The following HNRNPA1L2 variants were observed in gnomAD, a reference collection of about 807,000 sequenced individuals.
HNRNPA1L2 encodes the protein heterogeneous nuclear ribonucleoprotein A1 like 2, also known as heterogeneous nuclear ribonucleoprotein A1-like 2.
Under a neutral mutation model 18.2 loss-of-function variants are expected in HNRNPA1L2, and 10 were observed. That is an observed-to-expected ratio of 0.55 (90% CI 0.34 to 0.93). The LOEUF (loss-of-function observed/expected upper bound fraction) is 0.93, where lower values mean the gene tolerates loss of function less well. Ranked by LOEUF, HNRNPA1L2 falls within the 40% of genes least tolerant of loss-of-function variation. HNRNPA1L2 has a pLI of 0.02. For missense variants in HNRNPA1L2, 308 were observed against 394.4 expected (o/e 0.78, Z 1.85); for synonymous variants, 124 against 138.6 (o/e 0.89, Z 0.74).
the HNRNPA1L2 span, chr13:52,629,403 G>A: frequency 9.2e-5 from 20 of 217,368 alleles, no homozygotes; most frequent in Non-Finnish European, 1.8e-4. Context: ...GTATAGTTTG[G>A]TTTTACCTTG....
At chr13:52,632,171 T>G in the HNRNPA1L2 span, among the ~76,000 whole-genome samples, 1 of 152,230 alleles carries the variant, frequency 6.6e-6, no homozygotes, top group Non-Finnish European at 1.5e-5. Context: ...TTAATGCTAA[T>G]TGAGCTAATC....
At chr13:52,624,208 G>C in the HNRNPA1L2 span, among the ~76,000 whole-genome samples, 11 of 152,188 alleles carry the variant, frequency 7.2e-5, no homozygotes, top group Admixed American at 2.0e-4. Context: ...TCCACCTCCT[G>C]GGTTCAAGCA....
chr13:52,618,841 A>G, the HNRNPA1L2 span, among the ~76,000 whole-genome samples: 3 of 152,298 alleles, frequency 2.0e-5, no homozygotes, highest in South Asian at 2.1e-4. Flanking sequence ...GGTTAGGTTT[A>G]GAATTTTATG....
chr13:52,642,283 C>A, upstream of HNRNPA1L2: 1 of 654,898 alleles, frequency 1.5e-6, no homozygotes, highest in Non-Finnish European at 2.6e-6. Flanking sequence ...ATGAAGTATC[C>A]TACTGTTATG....
chr13:52,629,125 C>T, the HNRNPA1L2 span: 1 of 152,516 alleles, frequency 6.6e-6, no homozygotes, highest in East Asian at 1.9e-4. Flanking sequence ...ATCCACCCGC[C>T]TTGGCCTCCC....
In HNRNPA1L2 at chr13:52,643,227, T is replaced by A; in HGVS notation, c.735T>A (p.Asn245Lys). Reference sequence around the variant, plus strand: ...ATGGTGGCAGTGGGGATGGCTATAATGGATTTGGTAATGATGGAAGCAATT... The same window carrying A: ...ATGGTGGCAGTGGGGATGGCTATAAAGGATTTGGTAATGATGGAAGCAATT... ...GGYGGSGDGY[N>K]GFGNDGSNFG... is the part of the protein sequence containing the mutation. The change falls in exon 1 of 1, where the codon AAT becomes AAA. Residue 245 changes from asparagine (N) to lysine (K), a missense_variant. Physicochemically the swap from Asn to Lys is moderately conservative, Grantham distance 94 (BLOSUM62 0). Transcript: ENST00000357495. 1 of 1,597,320 alleles carries A rather than the reference T, an allele frequency of 6.3e-7. No individual in the cohort carries two copies. Among genetic ancestry groups the A allele is most frequent in the Non-Finnish European group, 8.5e-7 (1 of 1,179,610 alleles).
chr13:52,635,993 T>C, the HNRNPA1L2 span, among the ~76,000 whole-genome samples: 1 of 152,234 alleles, frequency 6.6e-6, no homozygotes, highest in South Asian at 2.1e-4. Context: ...CATGCCACCA[T>C]GCCCAGCTAA....
At chr13:52,630,609 T>C in the HNRNPA1L2 span, among the ~76,000 whole-genome samples, 3 of 152,016 alleles carry the variant, frequency 2.0e-5, no homozygotes, top group Non-Finnish European at 2.9e-5. Context: ...ACAGTTGGAG[T>C]GTTTTCAATA....
the HNRNPA1L2 span, among the ~76,000 whole-genome samples, chr13:52,626,757 T>C: frequency 6.6e-6 from 1 of 152,252 alleles, no homozygotes; most frequent in East Asian, 1.9e-4. Context: ...CTGGAGGATT[T>C]TGACAAATGG....
upstream of HNRNPA1L2, among the ~76,000 whole-genome samples, chr13:52,639,884 T>TTTTGTTTTTTTTTTG (rs1566162101): frequency 5.2e-4 from 60 of 115,562 alleles, no homozygotes; most frequent in African/African-American, 1.7e-3. Flanking sequence ...TTGTTTTTTT[T>TTTTGTTTTTTTTTTG]TTTTTTTTTT....
chr13:52,618,025 A>G, the HNRNPA1L2 span, among the ~76,000 whole-genome samples: 2 of 152,096 alleles, frequency 1.3e-5, no homozygotes, highest in East Asian at 1.9e-4. Context: ...TGTTTCCTTC[A>G]TTTATTCTTT....
chr13:52,633,314 A>G, the HNRNPA1L2 span, among the ~76,000 whole-genome samples: 1 of 152,214 alleles, frequency 6.6e-6, no homozygotes, highest in Non-Finnish European at 1.5e-5. Context: ...AATATATTTA[A>G]GAGACTTGTG....
rs1961737976 is a variant in HNRNPA1L2 at position 52,643,512 on chromosome 13, G to A, written c.*57G>A. 8 of 1,464,688 alleles carry A rather than the reference G, an allele frequency of 5.5e-6. No individual in the cohort carries two copies. The highest frequency in any genetic ancestry group is 7.5e-6 in the Non-Finnish European group (8 of 1,063,136). The allele number at this position is 1,464,688 out of a possible 1,614,324, so 90.7% of individuals were successfully genotyped here. A position where few individuals can be genotyped will look rare whatever the true frequency, so the allele number is the denominator to read the frequency against. Reference sequence around the variant, plus strand: ...CCAGAGAAGTGACAGGGAAGCTACAGGTTACAACAGATTTGTGAACTCAGC... The same window carrying A: ...CCAGAGAAGTGACAGGGAAGCTACAAGTTACAACAGATTTGTGAACTCAGC... On this transcript the variant is annotated 3_prime_UTR_variant, in exon 1 of 1. Transcript: ENST00000357495.
the HNRNPA1L2 span, among the ~76,000 whole-genome samples, chr13:52,630,865 A>C: frequency 6.6e-6 from 1 of 152,250 alleles, no homozygotes; most frequent in African/African-American, 2.4e-5. Context: ...AGAATGTTTA[A>C]CTGAGTCAGT....
In HNRNPA1L2 at chr13:52,642,813, A is replaced by G. The variant is rs1961702991; in HGVS notation, c.321A>G (p.Ile107Met). ...GTGCCCACTTAACTGTGAAAAAGAT[A>G]TTTGTTGGTGGCATTAAAGAAGACA... ...RPGAHLTVKK[I>M]FVGGIKEDTE... Residue 107 changes from isoleucine (I) to methionine (M), a missense_variant, in exon 1 of 1, where the codon ATA becomes ATG. Transcript: ENST00000357495. The G allele has an allele frequency of 3.1e-6, 5 of 1,596,324 alleles. No individual in the cohort carries two copies. In the East Asian group the frequency reaches 6.7e-5, roughly 21 times the overall value.
At chr13:52,629,072 C>G in the HNRNPA1L2 span, 2 of 149,980 alleles carry the variant, frequency 1.3e-5, no homozygotes, top group Non-Finnish European at 3.0e-5. Flanking sequence ...AGGGGGGTTT[C>G]TCCATGTTGG....
chr13:52,643,651 G>T lies in HNRNPA1L2; in HGVS notation c.*196G>T, dbSNP rs149918578. ...GTATTTGTGACTAATTGTATAACAGGTTATTTTAGTTTCTGTTCTGTGGAA... is the reference window on the plus strand; with the variant it reads ...GTATTTGTGACTAATTGTATAACAGTTTATTTTAGTTTCTGTTCTGTGGAA... On this transcript the variant is annotated 3_prime_UTR_variant, in exon 1 of 1. Coordinates refer to ENST00000357495, the MANE Select transcript of HNRNPA1L2 (RefSeq NM_001389320.1). 4.1e-3 allele frequency: 2,502 copies of T among 608,158 alleles called. 45 individuals carry two copies. The highest frequency in any genetic ancestry group is 0.04 in the African/African-American group (2,161 of 54,114). 37.7% of individuals were successfully genotyped at this position (608,158 alleles called of 1,614,324 possible).
chr13:52,643,016 G>A lies in HNRNPA1L2; in HGVS notation c.524G>A (p.Cys175Tyr). The change falls in exon 1 of 1, where the codon TGT (cysteine) becomes TAT (tyrosine). Residue 175 changes from cysteine to tyrosine, a missense_variant. Coordinates refer to ENST00000357495, the MANE Select transcript of HNRNPA1L2 (RefSeq NM_001389320.1). The stretch of plus-strand genomic sequence containing the variant: ...TACCATACTGTGAAGGGCCACAACT[G>A]TGAAGTTAGAAAAGCCCTGCCAAAG... ...QKYHTVKGHN[C>Y]EVRKALPKQE... is the part of the protein sequence containing the mutation. The A allele has an allele frequency of 8.1e-6, 13 of 1,597,590 alleles. No homozygotes were observed. Among genetic ancestry groups the A allele is most frequent in the Non-Finnish European group, 9.3e-6 (11 of 1,179,802 alleles).
At chr13:52,626,339 C>G in the HNRNPA1L2 span, among the ~76,000 whole-genome samples, 1 of 150,386 alleles carries the variant, frequency 6.6e-6, no homozygotes, top group African/African-American at 2.5e-5. Flanking sequence ...GCCTGTAGTC[C>G]AAGCTACTCA....
Sources: allele counts gnomAD v4.1 joint callset (sites outside exome capture counted in the v4.1 genomes callset), GRCh38; gene constraint gnomAD v4.1.1; transcripts MANE v1.5; gene names NCBI Gene and HGNC (gene_info 2026-07-23, HGNC 2026-07-21).